PCDHGA6: variants seen among roughly 807,000 people sequenced by gnomAD.
The protein encoded by PCDHGA6 is protocadherin gamma-A6.
A neutral mutation model predicts 60.6 loss-of-function variants in PCDHGA6; 41 were observed. That is an observed-to-expected ratio of 0.68 (90% CI 0.53 to 0.88). The LOEUF (loss-of-function observed/expected upper bound fraction) is 0.88, where lower values mean the gene tolerates loss of function less well. Among genes scored for constraint, PCDHGA6 ranks in the 40% least tolerant of loss-of-function variants. The pLI, the probability that PCDHGA6 is intolerant of heterozygous loss-of-function variation, is 0.00. For missense variants in PCDHGA6, 1,312 were observed against 1,203.0 expected, an observed-to-expected ratio of 1.09 and a Z score of -1.34; for synonymous variants, 594 against 524.4, an observed-to-expected ratio of 1.13 and a Z score of -1.81.
chr5:141,497,739 A>G (rs1180122239), intron 2 of PCDHGA6, among the ~76,000 whole-genome samples: 1 of 152,118 alleles, frequency 6.6e-6, no homozygotes, highest in Admixed American at 6.6e-5. Flanking sequence ...GGGTTTCGCC[A>G]CGTTGGCCAG....
At chr5:141,495,710 G>C (rs2099763133) in intron 2 of PCDHGA6, among the ~76,000 whole-genome samples, 1 of 152,148 alleles carries the variant, frequency 6.6e-6, no homozygotes, top group Non-Finnish European at 1.5e-5. Flanking sequence ...TGTGGAGTGA[G>C]TAACTACACG....
chr5:141,509,787 TCTC>T (rs2099878266), intron 3 of PCDHGA6, among the ~76,000 whole-genome samples: 1 of 152,132 alleles, frequency 6.6e-6, no homozygotes, highest in Non-Finnish European at 1.5e-5. Context: ...GAGATCATCA[TCTC>T]CTCAGCTTCA....
Position 141,376,310 on chromosome 5 carries a change from G to T in PCDHGA6, c.2227G>T (p.Val743Leu). ...ASMPGSHFVG[V>L]EGVRAFLQTY... ...CATGCCCGGCTCGCACTTTGTGGGCGTGGAAGGGGTTCGGGCTTTCCTGCA... is the reference window on the plus strand; with the variant it reads ...CATGCCCGGCTCGCACTTTGTGGGCTTGGAAGGGGTTCGGGCTTTCCTGCA... The change falls in exon 1 of 4, where the codon GTG becomes TTG. Residue 743 changes from valine to leucine, a missense_variant. By Grantham distance (32) the Val-to-Leu change is conservative (BLOSUM62 1). Transcript: ENST00000517434. The T allele has an allele frequency of 6.2e-7, 1 of 1,613,946 alleles. No individual in the cohort carries two copies. The highest frequency in any genetic ancestry group is 8.5e-7 in the Non-Finnish European group (1 of 1,180,052).
At chr5:141,408,784 A>G (rs777838376) in intron 1 of PCDHGA6, 2 of 1,612,506 alleles carry the variant, frequency 1.2e-6, no homozygotes, top group Admixed American at 1.7e-5. Context: ...ACCCAGAGTT[A>G]TCTCTGGAGA....
At chr5:141,398,421 G>A in intron 1 of PCDHGA6, 2 of 1,510,606 alleles carry the variant, frequency 1.3e-6, no homozygotes, top group Non-Finnish European at 1.8e-6. Context: ...TATGCGGGAA[G>A]AAGCCAGCTT....
chr5:141,398,776 G>C, intron 1 of PCDHGA6: 2 of 1,613,904 alleles, frequency 1.2e-6, no homozygotes. Context: ...TGCCTTGGAC[G>C]GTGGACATCC....
At position 141,383,548 on chromosome 5, in the gene PCDHGA6, G is replaced by A. The variant is rs768977528; in HGVS notation, c.2424+7041G>A. 33 of 1,612,508 alleles carry A rather than the reference G, an allele frequency of 2.0e-5. 1 individual carries two copies. In the Admixed American group the frequency reaches 2.3e-4, roughly 11 times the overall value. ...CCACCTGGTCCTCACAGCCTCTGATGGCGGCGACCCGCCCCGATCCAGCAC... is the reference window on the plus strand; with the variant it reads ...CCACCTGGTCCTCACAGCCTCTGATAGCGGCGACCCGCCCCGATCCAGCAC... On this transcript the variant is annotated intron_variant, in intron 1 of 3. Coordinates refer to ENST00000517434, the MANE Select transcript of PCDHGA6 (RefSeq NM_018919.3).
intron 1 of PCDHGA6, chr5:141,416,818 C>T (rs766541497): frequency 9.9e-5 from 15 of 151,960 alleles, no homozygotes; most frequent in Admixed American, 2.6e-4. Flanking sequence ...AAAAGCATTC[C>T]GAAGTTTCTC....
At chr5:141,458,485 A>G (rs2098946793) in intron 1 of PCDHGA6, among the ~76,000 whole-genome samples, 1 of 151,558 alleles carries the variant, frequency 6.6e-6, no homozygotes, top group Non-Finnish European at 1.5e-5. Context: ...GAAAATGAGG[A>G]CTGCCTGTAC....
At chr5:141,400,268 C>T (rs976476082) in intron 1 of PCDHGA6, 3 of 1,613,962 alleles carry the variant, frequency 1.9e-6, no homozygotes, top group East Asian at 4.5e-5. Flanking sequence ...CTGCGACGCT[C>T]CTCCAGCCCT....
At chr5:141,410,715 GTT>G (rs2154543204) in intron 1 of PCDHGA6, 19 of 1,422,782 alleles carry the variant, frequency 1.3e-5, no homozygotes, top group Non-Finnish European at 1.8e-5. Context: ...AGAATCATAT[GTT>G]TAAAATCCAT....
At chr5:141,396,562 G>C (rs2150669769) in intron 1 of PCDHGA6, 1 of 152,144 alleles carries the variant, frequency 6.6e-6, no homozygotes, top group South Asian at 2.1e-4. Context: ...GGAGGTTGCA[G>C]TGAGCCTCGA....
intron 1 of PCDHGA6, among the ~76,000 whole-genome samples, chr5:141,463,438 CTTTTTTTTTTTTTTTT>C (rs71576115): frequency 1.9e-5 from 2 of 103,256 alleles, no homozygotes; most frequent in African/African-American, 4.5e-5. Context: ...TTTCCTTCTC[CTTTTTTTTTTTTTTTT>C]TTTTTTTTTT....
At chr5:141,421,926 C>A in intron 1 of PCDHGA6, 1 of 1,613,460 alleles carries the variant, frequency 6.2e-7, no homozygotes, top group Non-Finnish European at 8.5e-7. Flanking sequence ...GTGTGGTGGT[C>A]CTCGATGTAA....
rs562973702 is a variant in PCDHGA6, at chr5:141,375,784, C to A, written c.1701C>A (p.Leu567=). ...DNAPEILYPA[L]PTDGSTGVEL... ...CGCCCGAGATCCTGTACCCCGCCCTCCCCACAGACGGTTCCACTGGCGTGG... is the reference window on the plus strand; with the variant it reads ...CGCCCGAGATCCTGTACCCCGCCCTACCCACAGACGGTTCCACTGGCGTGG... Residue 567 remains leucine (L), a synonymous_variant, in exon 1 of 4, where the codon CTC becomes CTA. Coordinates refer to ENST00000517434, the MANE Select transcript of PCDHGA6 (RefSeq NM_018919.3). The A allele has an allele frequency of 4.3e-6, 7 of 1,614,254 alleles. No individual in the cohort carries two copies. The highest frequency in any genetic ancestry group is 5.1e-6 in the Non-Finnish European group (6 of 1,180,040).
intron 1 of PCDHGA6, chr5:141,384,775 G>A: frequency 6.2e-7 from 1 of 1,613,910 alleles, no homozygotes; most frequent in Non-Finnish European, 8.5e-7. Flanking sequence ...CACGGGCGAG[G>A]TGCGCACGGC....
chr5:141,394,607 G>A (rs769750411), intron 1 of PCDHGA6: 17 of 1,613,530 alleles, frequency 1.1e-5, no homozygotes, highest in Non-Finnish European at 1.4e-5. Context: ...ACAGAGACTC[G>A]GGCCAGAACG....
intron 1 of PCDHGA6, among the ~76,000 whole-genome samples, chr5:141,406,473 T>A (rs2094813817): frequency 6.6e-6 from 1 of 152,248 alleles, no homozygotes; most frequent in African/African-American, 2.4e-5. Context: ...CTCTTTGAGG[T>A]TATATTTTTC....
intron 1 of PCDHGA6, chr5:141,428,062 A>G: frequency 6.2e-7 from 1 of 1,609,084 alleles, no homozygotes; most frequent in African/African-American, 1.3e-5. Flanking sequence ...GTGGCGGTGG[A>G]CGCAGATTCG....
Sources: allele counts gnomAD v4.1 joint callset (sites outside exome capture counted in the v4.1 genomes callset), GRCh38; gene constraint gnomAD v4.1.1; transcripts MANE v1.5; gene names NCBI Gene and HGNC (gene_info 2026-07-23, HGNC 2026-07-21).